The following ACACA variants were observed in gnomAD, a reference collection of about 807,000 sequenced individuals.
The protein encoded by ACACA is acetyl-CoA carboxylase alpha, also known as acetyl-CoA carboxylase 1.
A neutral mutation model predicts 296.1 loss-of-function variants in ACACA; 103 were observed. The observed-to-expected ratio is 0.35, with a 90% CI of 0.30 to 0.41. The LOEUF is 0.41. Among genes scored for constraint, ACACA ranks in the 10% least tolerant of loss-of-function variants. ACACA has a pLI of 1.00. For missense variants in ACACA, 1,554 were observed against 2,989.7 expected, an observed-to-expected ratio of 0.52 and a Z score of 11.20; for synonymous variants, 953 against 1,038.6, an observed-to-expected ratio of 0.92 and a Z score of 1.58.
chr17:37,385,698 T>A (rs1343338207), intron 1 of ACACA, among the ~76,000 whole-genome samples: 1 of 152,210 alleles, frequency 6.6e-6, no homozygotes, highest in Non-Finnish European at 1.5e-5. Flanking sequence ...CAACAGTTTT[T>A]ATGGCCTTCA....
At position 37,226,466 on chromosome 17, in the gene ACACA, T is replaced by TA. The variant is rs1567844912; in HGVS notation, c.3247-15dup. 10 of 1,595,100 alleles carry TA rather than the reference T, an allele frequency of 6.3e-6. No individual in the cohort carries two copies. Among genetic ancestry groups the TA allele is most frequent in the Admixed American group, 1.7e-5 (1 of 59,994 alleles). On this transcript the variant is annotated splice_polypyrimidine_tract_variant and intron_variant, in intron 25 of 55. Transcript: ENST00000616317. The stretch of plus-strand genomic sequence containing the variant: ...ACACAACTGATCCTAATTGTTAATG[T>TA]AAAAAAGAACATAGATAGTCATATT...
At chr17:37,114,991 C>A (rs1231901715) in intron 50 of ACACA, among the ~76,000 whole-genome samples, 1 of 152,214 alleles carries the variant, frequency 6.6e-6, no homozygotes, top group African/African-American at 2.4e-5. Context: ...TATCAGTGAG[C>A]ACAGTTCACT....
At position 37,085,413 on chromosome 17, in the gene ACACA, C is replaced by T. The variant is rs1244636575; in HGVS notation, c.*1903G>A. ...ACCCACCCTGCCTCTGAAGACATGC[C>T]TGGACAGGCCTCCTGGGGGGTGCAG... On this transcript the variant is annotated 3_prime_UTR_variant, in exon 56 of 56. Coordinates refer to ENST00000616317, the MANE Select transcript of ACACA (RefSeq NM_198834.3). 1 of 393,864 alleles carries T rather than the reference C, an allele frequency of 2.5e-6. No individual in the cohort carries two copies. Among genetic ancestry groups the T allele is most frequent in the Non-Finnish European group, 4.5e-6 (1 of 223,628 alleles). The allele number at this position is 393,864 out of a possible 1,614,324, so 24.4% of individuals were successfully genotyped here. A position where few individuals can be genotyped will look rare whatever the true frequency, so the allele number is the denominator to read the frequency against.
chr17:37,332,596 T>G (rs1378499394), intron 2 of ACACA, among the ~76,000 whole-genome samples: 4 of 101,188 alleles, frequency 4.0e-5, no homozygotes, highest in Non-Finnish European at 7.9e-5. Context: ...CAAAACAAGA[T>G]CCCATCTGTA....
In ACACA at chr17:37,171,398, C is replaced by T. The variant is rs142458039; in HGVS notation, c.5079+7862G>A. 1.5e-4 allele frequency among the ~76,000 whole-genome samples: 23 copies of T among 152,204 alleles called. No homozygotes were observed. The East Asian group carries it at 2.5e-3, about 17-fold the overall frequency. Reference sequence around the variant, plus strand: ...TATATAACAAAATGTTACCTCTTTCCCCCTTTTGTATCTTGTATCCAAGCA... The same window carrying T: ...TATATAACAAAATGTTACCTCTTTCTCCCTTTTGTATCTTGTATCCAAGCA... On this transcript the variant is annotated intron_variant, in intron 41 of 55. Transcript: ENST00000616317.
intron 1 of ACACA, among the ~76,000 whole-genome samples, chr17:37,396,655 T>A (rs2051091520): frequency 6.6e-6 from 1 of 152,206 alleles, no homozygotes; most frequent in Non-Finnish European, 1.5e-5. Context: ...TTCCTATGTC[T>A]ATGTCCATAA....
In ACACA at chr17:37,097,180, A is replaced by C; in HGVS notation, c.6721-14T>G. On this transcript the variant is annotated splice_polypyrimidine_tract_variant and intron_variant, in intron 53 of 55. Transcript: ENST00000616317. This position sits in a 1 kb window ranked among gnomAD's most constrained non-coding sequence, Gnocchi z 4.8. ...ATCCAGGATATCCTACATGCAGAGAAGAATAAACTTAGCCCAGTCCTAATT... is the reference window on the plus strand; with the variant it reads ...ATCCAGGATATCCTACATGCAGAGACGAATAAACTTAGCCCAGTCCTAATT... The C allele has an allele frequency of 6.8e-6, 11 of 1,611,972 alleles. No homozygotes were observed. The highest frequency in any genetic ancestry group is 9.3e-6 in the Non-Finnish European group (11 of 1,179,980).
At chr17:37,347,292 G>T (rs2048670995) in intron 1 of ACACA, among the ~76,000 whole-genome samples, 1 of 152,110 alleles carries the variant, frequency 6.6e-6, no homozygotes, top group South Asian at 2.1e-4. Flanking sequence ...GGTCTCCCTG[G>T]CCATATAGCA....
At chr17:37,358,207 G>C (rs2049231370) in intron 1 of ACACA, among the ~76,000 whole-genome samples, 1 of 152,262 alleles carries the variant, frequency 6.6e-6, no homozygotes, top group East Asian at 1.9e-4. Flanking sequence ...GATTTTTAGA[G>C]GTGATTTCAA....
rs144750301 is a variant in ACACA, at chr17:37,175,569, C to A, written c.5079+3691G>T. On this transcript the variant is annotated intron_variant, in intron 41 of 55. Transcript: ENST00000616317. ...TCTAGCTGTGTATTTACATACAGTG[C>A]CCATCACTGTACCAACACAGCAGCT... is the stretch of plus-strand genomic sequence containing the variant. Among the ~76,000 whole-genome samples, 276 of 152,288 alleles carry A rather than the reference C, an allele frequency of 1.8e-3. 1 individual carries two copies. Among genetic ancestry groups the A allele is most frequent in the African/African-American group, 6.2e-3 (258 of 41,568 alleles).
intron 1 of ACACA, among the ~76,000 whole-genome samples, chr17:37,349,386 T>C (rs1289518423): frequency 6.8e-6 from 1 of 147,278 alleles, no homozygotes; most frequent in East Asian, 2.0e-4. Flanking sequence ...TACATATATA[T>C]ATATATATAA....
At chr17:37,213,348 CAAA>C (rs11353673) in intron 29 of ACACA, among the ~76,000 whole-genome samples, 69 of 78,610 alleles carry the variant, frequency 8.8e-4, no homozygotes, top group African/African-American at 2.4e-3. Flanking sequence ...AAGTAAGTCT[CAAA>C]AAAAAAAAAA....
At chr17:37,186,258 AAAT>A (rs2077526194) in intron 39 of ACACA, among the ~76,000 whole-genome samples, 2 of 152,356 alleles carry the variant, frequency 1.3e-5, no homozygotes, top group Middle Eastern at 3.4e-3. Flanking sequence ...TTATTTTAGA[AAAT>A]AATTTCTGAC....
At chr17:37,130,369 T>C in intron 45 of ACACA, 151 bp from the exon 46 acceptor site, 1 of 955,648 alleles carries the variant, frequency 1.0e-6, no homozygotes, top group Admixed American at 2.6e-5. Flanking sequence ...ATCTGAATCT[T>C]CTTCCTAAAA....
intron 54 of ACACA, 151 bp from the exon 55 acceptor site, chr17:37,089,225 T>A: frequency 8.4e-7 from 1 of 1,185,904 alleles, no homozygotes; most frequent in Non-Finnish European, 1.2e-6. Flanking sequence ...GAGGAGGAAG[T>A]AGGCCTCGAG....
Position 37,226,458 on chromosome 17 carries a change from T to TG in ACACA, c.3247-7dup, listed in dbSNP as rs2079549130. On this transcript the variant is annotated splice_region_variant and splice_polypyrimidine_tract_variant and intron_variant, in intron 25 of 55. Coordinates refer to ENST00000616317, the MANE Select transcript of ACACA (RefSeq NM_198834.3). ...TCCCGGCCACACAACTGATCCTAAT[T>TG]GTTAATGTAAAAAAGAACATAGATA... 6.2e-7 allele frequency: 1 copy of TG among 1,607,674 alleles called. No individual in the cohort carries two copies.
intron 1 of ACACA, among the ~76,000 whole-genome samples, chr17:37,340,696 C>G (rs184159477): frequency 9.8e-4 from 149 of 152,280 alleles, no homozygotes; most frequent in Non-Finnish European, 1.5e-3. Flanking sequence ...TCCAGTTATG[C>G]AGTCTGAGCT....
In ACACA at chr17:37,270,850, T is replaced by C; in HGVS notation, c.1020A>G (p.Glu340=). Residue 340 remains glutamate (E), a synonymous_variant, in exon 10 of 56, where the codon GAA becomes GAG. Coordinates refer to ENST00000616317, the MANE Select transcript of ACACA (RefSeq NM_198834.3). ...CCTTGATCATTACTGGATATCCAAC[T>C]TCCTCAGCTGCCTTCAAAAAGAAAG... The part of the protein sequence containing the change: ...DVDDGLQAAE[E]VGYPVMIKAS... The C allele has an allele frequency of 6.2e-7, 1 of 1,611,726 alleles. No homozygotes were observed. Among genetic ancestry groups the C allele is most frequent in the Non-Finnish European group, 8.5e-7 (1 of 1,178,108 alleles).
intron 42 of ACACA, among the ~76,000 whole-genome samples, chr17:37,157,033 T>G (rs2076279332): frequency 6.6e-6 from 1 of 152,150 alleles, no homozygotes. Context: ...CCTACCCTTA[T>G]GAAACATACC....
Sources: allele counts gnomAD v4.1 joint callset (sites outside exome capture counted in the v4.1 genomes callset), GRCh38; gene constraint gnomAD v4.1.1; non-coding constraint Gnocchi (gnomAD v3.1); transcripts MANE v1.5; gene names NCBI Gene and HGNC (gene_info 2026-07-23, HGNC 2026-07-21).